The following FAF1 variants were observed in gnomAD, a reference collection of about 807,000 sequenced individuals.
FAF1 encodes the protein Fas associated factor 1, also known as FAS-associated factor 1.
FAF1 carries 25 observed loss-of-function variants against 92.5 expected under a neutral mutation model. The observed-to-expected ratio is 0.27, with a 90% CI of 0.20 to 0.38. FAF1 has a LOEUF of 0.38. Ranked by LOEUF, FAF1 falls within the 10% of genes least tolerant of loss-of-function variation. FAF1 has a pLI of 1.00. For synonymous variants in FAF1, 234 were observed against 273.2 expected (o/e 0.86, Z 1.42); for missense variants, 636 against 793.3 (o/e 0.80, Z 2.38).
intron 18 of FAF1, among the ~76,000 whole-genome samples, chr1:50,446,129 TTATC>T (rs1328187382): frequency 6.6e-6 from 1 of 152,172 alleles, no homozygotes; most frequent in Non-Finnish European, 1.5e-5. Flanking sequence ...AAATGCCAAA[TTATC>T]TAACCCCTTC....
chr1:50,727,491 A>G (rs984940054), intron 6 of FAF1, among the ~76,000 whole-genome samples: 4 of 152,210 alleles, frequency 2.6e-5, no homozygotes, highest in African/African-American at 9.6e-5. Flanking sequence ...CCAAGTATCT[A>G]CTATGTTTCC....
chr1:50,610,359 A>C (rs1456442858), intron 8 of FAF1, among the ~76,000 whole-genome samples: 1 of 152,234 alleles, frequency 6.6e-6, no homozygotes, highest in African/African-American at 2.4e-5. Context: ...TTGAGATTTC[A>C]CACCATAATG....
At chr1:50,647,063 G>C (rs1377995068) in intron 8 of FAF1, among the ~76,000 whole-genome samples, 1 of 152,026 alleles carries the variant, frequency 6.6e-6, no homozygotes, top group African/African-American at 2.4e-5. Flanking sequence ...TGGCCAGGCT[G>C]GTCTCAAACT....
intron 15 of FAF1, among the ~76,000 whole-genome samples, chr1:50,497,617 C>T (rs1361055880): frequency 1.2e-4 from 16 of 129,976 alleles, no homozygotes; most frequent in Admixed American, 1.0e-3. Context: ...GGTGTGATCT[C>T]GGCTCATTGC....
intron 1 of FAF1, among the ~76,000 whole-genome samples, chr1:50,930,865 G>A (rs1300664197): frequency 6.6e-6 from 1 of 152,072 alleles, no homozygotes; most frequent in Non-Finnish European, 1.5e-5. Flanking sequence ...AACTAAAGAA[G>A]GCAATATAAC....
chr1:50,861,466 A>C (rs994261258), intron 1 of FAF1, among the ~76,000 whole-genome samples: 2 of 151,712 alleles, frequency 1.3e-5, no homozygotes, highest in African/African-American at 4.8e-5. Flanking sequence ...AAAGTCAAAA[A>C]CCGTATGTTC....
intron 1 of FAF1, among the ~76,000 whole-genome samples, chr1:50,944,459 A>G (rs1472490630): frequency 2.6e-5 from 4 of 152,176 alleles, no homozygotes; most frequent in African/African-American, 9.7e-5. Context: ...CTCTCTGTCC[A>G]TTGCTACAAA....
intron 18 of FAF1, among the ~76,000 whole-genome samples, chr1:50,446,289 T>C (rs1413673710): frequency 6.6e-6 from 1 of 152,234 alleles, no homozygotes; most frequent in Non-Finnish European, 1.5e-5. Flanking sequence ...AGTCACATCC[T>C]TCTGCCTCTC....
intron 6 of FAF1, among the ~76,000 whole-genome samples, chr1:50,707,202 C>CAAAAAAAA (rs397862445): frequency 3.7e-5 from 4 of 106,860 alleles, no homozygotes; most frequent in African/African-American, 6.5e-5. Context: ...GACTCTGTGT[C>CAAAAAAAA]AAAAAAAAAA....
At position 50,527,278 on chromosome 1, in the gene FAF1, T is replaced by G. The variant is rs200074665; in HGVS notation, c.1494+8091A>C. On this transcript the variant is annotated intron_variant, in intron 15 of 18. Transcript: ENST00000396153. ...TTCTTTTCATGTGCTATTGGCCACT[T>G]GTATATCGTCCTTGGAGAAATATCT... Among the ~76,000 whole-genome samples, 7 of 152,222 alleles carry G rather than the reference T, an allele frequency of 4.6e-5. No individual in the cohort carries two copies. In the East Asian group the frequency reaches 1.3e-3, roughly 29 times the overall value.
At chr1:50,619,931 CAG>C (rs1381805398) in intron 8 of FAF1, among the ~76,000 whole-genome samples, 2 of 134,980 alleles carry the variant, frequency 1.5e-5, no homozygotes, top group East Asian at 4.4e-4. Flanking sequence ...TTTTTTGAGA[CAG>C]AGTCTTGCTC....
rs1338115418 is a variant in FAF1, at chr1:50,467,163, T to C, written c.1869+8301A>G. ...AGCAGAGTGGCTGGCAAAATAAAAC[T>C]GTATTGGATAAACAGGGTGTGAAAT... On this transcript the variant is annotated intron_variant, in intron 18 of 18. Transcript: ENST00000396153. 3.9e-5 allele frequency among the ~76,000 whole-genome samples: 6 copies of C among 152,272 alleles called. No homozygotes were observed. In the East Asian group the frequency reaches 9.6e-4, roughly 24 times the overall value.
At chr1:50,827,495 A>AGGCC (rs763024834) in intron 2 of FAF1, among the ~76,000 whole-genome samples, 1 of 152,200 alleles carries the variant, frequency 6.6e-6, no homozygotes, top group Non-Finnish European at 1.5e-5. Flanking sequence ...ACACTGCGGA[A>AGGCC]GGCCGCAGGG....
chr1:50,833,763 G>T (rs1250539360), intron 2 of FAF1, among the ~76,000 whole-genome samples: 3 of 151,950 alleles, frequency 2.0e-5, no homozygotes, highest in African/African-American at 7.3e-5. Context: ...AATTCCAAGG[G>T]TTTTAAGACC....
intron 18 of FAF1, among the ~76,000 whole-genome samples, chr1:50,470,374 T>C (rs1310022611): frequency 6.6e-6 from 1 of 152,228 alleles, no homozygotes; most frequent in Non-Finnish European, 1.5e-5. Context: ...ATTGTTCAAG[T>C]GACTTAAGTG....
chr1:50,700,648 G>C (rs1657428561), intron 7 of FAF1, among the ~76,000 whole-genome samples: 1 of 151,968 alleles, frequency 6.6e-6, no homozygotes, highest in Non-Finnish European at 1.5e-5. Flanking sequence ...CTTAACCCAG[G>C]CATTTCAAAA....
intron 2 of FAF1, among the ~76,000 whole-genome samples, chr1:50,819,349 G>A (rs778558342): frequency 1.3e-5 from 2 of 151,472 alleles, no homozygotes; most frequent in Non-Finnish European, 2.9e-5. Flanking sequence ...TTGCAGTAGC[G>A]CACGCCTGTA....
intron 4 of FAF1, among the ~76,000 whole-genome samples, chr1:50,759,908 A>G (rs1434258438): frequency 6.6e-6 from 1 of 152,152 alleles, no homozygotes; most frequent in Non-Finnish European, 1.5e-5. Flanking sequence ...GCCAGTGATG[A>G]TGAGCATTTT....
At chr1:50,772,841 CT>C (rs1343133019) in intron 4 of FAF1, among the ~76,000 whole-genome samples, 3 of 152,180 alleles carry the variant, frequency 2.0e-5, no homozygotes, top group East Asian at 1.9e-4. Context: ...TCATGTACCC[CT>C]GAACCTAAAA....
Sources: gnomAD v4.1 joint callset for allele counts (sites outside exome capture counted in the v4.1 genomes callset) on GRCh38, gnomAD v4.1.1 for gene constraint, MANE v1.5 for transcripts, NCBI Gene and HGNC (gene_info 2026-07-23, HGNC 2026-07-21) for gene names.